IGFL2: variants seen among roughly 807,000 people sequenced by gnomAD.
The protein encoded by IGFL2 is insulin growth factor-like family member 2.
IGFL2 carries 7 observed loss-of-function variants against 13.9 expected under a neutral mutation model. The ratio of observed to expected loss-of-function variants is 0.51; its 90% CI spans 0.29 to 0.95. The LOEUF (loss-of-function observed/expected upper bound fraction) is 0.95. Ranked by LOEUF, IGFL2 falls within the 40% of genes least tolerant of loss-of-function variation. The pLI is 0.08. For synonymous variants in IGFL2, 55 were observed against 55.8 expected, an observed-to-expected ratio of 0.99 and a Z score of 0.07; for missense variants, 138 against 147.8, an observed-to-expected ratio of 0.93 and a Z score of 0.34.
the IGFL2 span, among the ~76,000 whole-genome samples, chr19:46,098,586 C>G: frequency 2.0e-5 from 3 of 148,748 alleles, no homozygotes; most frequent in East Asian, 4.0e-4. Flanking sequence ...TCAAGTGATT[C>G]TCCTGCGTCA....
chr19:46,133,530 C>T, the IGFL2 span, among the ~76,000 whole-genome samples: 3 of 152,330 alleles, frequency 2.0e-5, no homozygotes, highest in East Asian at 5.8e-4. Flanking sequence ...GGCAAAAGCA[C>T]TTCCAAATAA....
At chr19:46,168,447 C>T in the IGFL2 span, among the ~76,000 whole-genome samples, 3 of 152,178 alleles carry the variant, frequency 2.0e-5, no homozygotes, top group Admixed American at 2.0e-4. Context: ...TAAAATGAGA[C>T]ATCCAATCAT....
the IGFL2 span, among the ~76,000 whole-genome samples, chr19:46,206,413 A>G: frequency 1.3e-5 from 2 of 152,154 alleles, no homozygotes; most frequent in African/African-American, 4.8e-5. Flanking sequence ...ACCAGGCCAA[A>G]TGCCACACCC....
rs372756920 is a variant in IGFL2, at chr19:46,160,734, A to G, written c.194A>G (p.Gln65Arg). Residue 65 changes from glutamine to arginine, a missense_variant, in exon 3 of 4, where the codon CAA becomes CGA. Coordinates refer to ENST00000377693, the MANE Select transcript of IGFL2 (RefSeq NM_001135113.2). ...DAIVSLSETR[Q>R]CGPPCTFWPC... Reference sequence around the variant, plus strand: ...ATCGTGTCCCTGAGCGAGACCCGCCAATGTGGTCCCCCCTGCACCTTCTGG... The same window carrying G: ...ATCGTGTCCCTGAGCGAGACCCGCCGATGTGGTCCCCCCTGCACCTTCTGG... 1 of 1,613,812 alleles carries G rather than the reference A, an allele frequency of 6.2e-7. No homozygotes were observed. Among genetic ancestry groups the G allele is most frequent in the Non-Finnish European group, 8.5e-7 (1 of 1,179,966 alleles).
the IGFL2 span, among the ~76,000 whole-genome samples, chr19:46,127,959 A>G: frequency 6.6e-6 from 1 of 152,132 alleles, no homozygotes; most frequent in African/African-American, 2.4e-5. Flanking sequence ...ATCCATGAGC[A>G]TGGAATGTTT....
chr19:46,079,346 T>A, the IGFL2 span, among the ~76,000 whole-genome samples: 28 of 151,942 alleles, frequency 1.8e-4, 1 homozygote, highest in African/African-American at 5.3e-4. Flanking sequence ...TCGCTGCCGC[T>A]CCCCTCGTGG....
chr19:46,128,641 T>A, the IGFL2 span, among the ~76,000 whole-genome samples: 2 of 152,232 alleles, frequency 1.3e-5, no homozygotes, highest in African/African-American at 4.8e-5. Context: ...CTGCAATGAA[T>A]CACATTTATT....
chr19:46,088,832 A>T, the IGFL2 span, among the ~76,000 whole-genome samples: 1 of 152,160 alleles, frequency 6.6e-6, no homozygotes, highest in Non-Finnish European at 1.5e-5. Context: ...TTGTATGTTG[A>T]TTGGGGTTTG....
chr19:46,079,247 G>A, the IGFL2 span, among the ~76,000 whole-genome samples: 4 of 152,390 alleles, frequency 2.6e-5, no homozygotes, highest in East Asian at 7.7e-4. Flanking sequence ...CAATTGGGAT[G>A]CTGCAGAGTT....
At chr19:46,120,394 A>G in the IGFL2 span, 2 of 1,609,518 alleles carry the variant, frequency 1.2e-6, no homozygotes, top group Non-Finnish European at 1.7e-6. Flanking sequence ...TCTTAACAAC[A>G]TATATTCTCA....
the IGFL2 span, among the ~76,000 whole-genome samples, chr19:46,117,408 A>G: frequency 2.0e-5 from 3 of 150,370 alleles, no homozygotes; most frequent in Non-Finnish European, 3.0e-5. Context: ...TTAAAAGTCA[A>G]TTTTTTTTTC....
At chr19:46,116,085 T>G in the IGFL2 span, among the ~76,000 whole-genome samples, 1 of 152,212 alleles carries the variant, frequency 6.6e-6, no homozygotes, top group Non-Finnish European at 1.5e-5. Context: ...CCCAATCTTT[T>G]TTTTTATTAT....
chr19:46,092,066 C>G, the IGFL2 span, among the ~76,000 whole-genome samples: 18 of 152,172 alleles, frequency 1.2e-4, no homozygotes, highest in African/African-American at 2.7e-4. Context: ...ACCTGGATTT[C>G]AAGATAAGTT....
intron 1 of IGFL2, among the ~76,000 whole-genome samples, chr19:46,152,932 G>A (rs1053465442): frequency 3.3e-5 from 5 of 152,246 alleles, no homozygotes; most frequent in African/African-American, 7.2e-5. Flanking sequence ...AGAGAATTAC[G>A]TGTCTCCCTC....
In IGFL2 at chr19:46,160,747, CT is replaced by C. The variant is rs1568434033; in HGVS notation, c.208del (p.Cys70AlafsTer23). On this transcript the variant is annotated frameshift_variant, in exon 3 of 4. Transcript: ENST00000377693. LOFTEE classifies it high-confidence loss of function. Reference protein sequence around the residue: ...LSETRQCGPPCTFWPCFELCC... With the variant: ...LSETRQCGPPXTFWPCFELCC... ...GCGAGACCCGCCAATGTGGTCCCCC[CT>C]GCACCTTCTGGCCCTGCTTTGAGCT... 1 of 1,614,226 alleles carries C rather than the reference CT, an allele frequency of 6.2e-7. No individual in the cohort carries two copies. Among genetic ancestry groups the C allele is most frequent in the Admixed American group, 1.7e-5 (1 of 60,034 alleles).
the IGFL2 span, chr19:46,111,753 G>A: frequency 6.6e-6 from 1 of 152,182 alleles, no homozygotes; most frequent in Non-Finnish European, 1.5e-5. Context: ...TTTACTACCA[G>A]CCCCGTAGCT....
chr19:46,080,308 A>G, the IGFL2 span, among the ~76,000 whole-genome samples: 31 of 152,256 alleles, frequency 2.0e-4, 1 homozygote, highest in African/African-American at 6.0e-4. Context: ...CCAAGATGGG[A>G]GAATCACTTG....
chr19:46,176,503 C>G, the IGFL2 span, among the ~76,000 whole-genome samples: 1 of 152,134 alleles, frequency 6.6e-6, no homozygotes, highest in Non-Finnish European at 1.5e-5. Context: ...CTGGGAGAAA[C>G]CCTCAACCAC....
chr19:46,140,053 G>A (rs1162982757), upstream of IGFL2, among the ~76,000 whole-genome samples: 3 of 152,056 alleles, frequency 2.0e-5, no homozygotes, highest in South Asian at 2.1e-4. Context: ...GGGTTCAAAC[G>A]ATTCTCCTGC....
Sources: allele counts gnomAD v4.1 joint callset (sites outside exome capture counted in the v4.1 genomes callset), GRCh38; gene constraint gnomAD v4.1.1; transcripts MANE v1.5; gene names NCBI Gene and HGNC (gene_info 2026-07-23, HGNC 2026-07-21).